The following PCDH11X variants were observed in gnomAD, a reference collection of about 807,000 sequenced individuals.
PCDH11X encodes protocadherin-11 X-linked.
PCDH11X carries 18 observed loss-of-function variants against 53.3 expected under a neutral mutation model. That is an observed-to-expected ratio of 0.34 (90% CI 0.23 to 0.50). The LOEUF is 0.50. Among genes scored for constraint, PCDH11X ranks in the 20% least tolerant of loss-of-function variants. The probability of loss-of-function intolerance (pLI) is 0.98; values close to 1 mark genes in which losing one functional copy is unlikely to be tolerated. For missense variants in PCDH11X, 570 were observed against 1,032.4 expected (o/e 0.55, Z 6.14); for synonymous variants, 279 against 393.3 (o/e 0.71, Z 3.44).
At chrX:92,580,133 G>T (rs1299613460) in intron 10 of PCDH11X, among the ~76,000 whole-genome samples, 13 of 102,000 alleles carry the variant, frequency 1.3e-4, no homozygotes, top group African/African-American at 5.0e-4. Flanking sequence ...CTTTGTCCCA[G>T]AGGGGCACTG....
chrX:91,833,272 C>A (rs1457003346), intron 4 of PCDH11X, among the ~76,000 whole-genome samples: 1 of 111,287 alleles, frequency 9.0e-6, no homozygotes, highest in Non-Finnish European at 1.9e-5. Context: ...TCCAAAACTT[C>A]TTAGATATGC....
intron 10 of PCDH11X, chrX:92,515,269 A>C (rs1339654346): frequency 9.9e-6 from 1 of 101,317 alleles, no homozygotes; most frequent in African/African-American, 3.4e-5. Flanking sequence ...AAATACCCTA[A>C]GTTAATAAGT....
At chrX:92,305,635 G>GA (rs958088852) in intron 8 of PCDH11X, among the ~76,000 whole-genome samples, 2 of 108,122 alleles carry the variant, frequency 1.8e-5, no homozygotes, top group African/African-American at 3.4e-5. Context: ...GGGTTGGGGG[G>GA]ATCTATTCAG....
intron 10 of PCDH11X, chrX:92,515,394 C>T (rs376897017): frequency 2.9e-5 from 7 of 238,982 alleles, no homozygotes; most frequent in Non-Finnish European, 4.9e-5. Context: ...ACAGTCTGCC[C>T]GTTGCTCATA....
chrX:91,980,861 TTTAG>T (rs1387641282), intron 6 of PCDH11X, among the ~76,000 whole-genome samples: 2 of 106,997 alleles, frequency 1.9e-5, no homozygotes, highest in African/African-American at 3.4e-5. Context: ...AGCAGTTGAA[TTTAG>T]TTAATTTGTC....
rs113911194 is a variant in PCDH11X, at chrX:91,827,274, T to G, written c.-44-8187T>G. Among the ~76,000 whole-genome samples, 444 of 111,692 alleles carry G rather than the reference T, an allele frequency of 4.0e-3. 4 individuals carry two copies. The highest frequency in any genetic ancestry group is 0.014 in the African/African-American group (418 of 30,722). ...CATGTAAGTCTTCTTTTGAAAAGTGTCTCCTCATGTCCTTTGCCTACTTGT... is the reference window on the plus strand; with the variant it reads ...CATGTAAGTCTTCTTTTGAAAAGTGGCTCCTCATGTCCTTTGCCTACTTGT... On this transcript the variant is annotated intron_variant, in intron 4 of 10. Coordinates refer to ENST00000682573, the MANE Select transcript of PCDH11X (RefSeq NM_032968.5).
intron 6 of PCDH11X, among the ~76,000 whole-genome samples, chrX:92,183,855 T>C (rs6618899): frequency 9.0e-6 from 1 of 111,630 alleles, no homozygotes; most frequent in Admixed American, 9.5e-5. Flanking sequence ...CTGTTAAATG[T>C]CAGCTCCTCG....
chrX:91,825,277 G>C (rs1466108826), intron 4 of PCDH11X, among the ~76,000 whole-genome samples: 3 of 110,385 alleles, frequency 2.7e-5, no homozygotes. Context: ...CCCCAGCCTC[G>C]CTGCCACCTT....
intron 6 of PCDH11X, among the ~76,000 whole-genome samples, chrX:92,051,871 CTT>C (rs2063372183): frequency 9.1e-6 from 1 of 109,488 alleles, no homozygotes; most frequent in African/African-American, 3.3e-5. Context: ...CAGTATGACA[CTT>C]AAATTATATT....
intron 9 of PCDH11X, among the ~76,000 whole-genome samples, chrX:92,446,187 C>A (rs1314250310): frequency 9.2e-6 from 1 of 108,840 alleles, no homozygotes; most frequent in Non-Finnish European, 1.9e-5. Context: ...TTCTGAGTAT[C>A]AACCAATATT....
intron 7 of PCDH11X, among the ~76,000 whole-genome samples, chrX:92,201,666 G>C (rs1274053064): frequency 8.9e-6 from 1 of 111,788 alleles, no homozygotes; most frequent in Non-Finnish European, 1.9e-5. Flanking sequence ...AAATTAACTT[G>C]TTGGATCAAG....
chrX:92,170,002 C>T (rs913559723), intron 6 of PCDH11X, among the ~76,000 whole-genome samples: 1 of 111,168 alleles, frequency 9.0e-6, no homozygotes, highest in Admixed American at 9.7e-5. Flanking sequence ...TGGAAAAATG[C>T]ATACAAAGTA....
chrX:92,312,661 T>G (rs1035220662), intron 8 of PCDH11X, among the ~76,000 whole-genome samples: 8 of 111,600 alleles, frequency 7.2e-5, no homozygotes, highest in African/African-American at 2.6e-4. Flanking sequence ...TACTAAAACC[T>G]TAGAAATTTG....
rs1344649246 is a variant in PCDH11X at position 92,326,898 on chromosome X, A to C, written c.3145-60837A>C. On this transcript the variant is annotated intron_variant, in intron 8 of 10. Coordinates refer to ENST00000682573, the MANE Select transcript of PCDH11X (RefSeq NM_032968.5). ...ATTAGAAATGCCAAAACTTCATCTC[A>C]TAATTTGCAGATGTAATACAATAAA... 2.8e-5 allele frequency among the ~76,000 whole-genome samples: 3 copies of C among 108,233 alleles called. No homozygotes were observed. The East Asian group carries it at 8.8e-4, about 32-fold the overall frequency. The allele number at this position is 108,233 out of a possible 115,157, so 94.0% of individuals were successfully genotyped here.
intron 6 of PCDH11X, among the ~76,000 whole-genome samples, chrX:92,129,740 C>G (rs982863876): frequency 3.6e-5 from 4 of 111,318 alleles, no homozygotes; most frequent in African/African-American, 1.3e-4. Context: ...GAGGATACTT[C>G]TTTCCTTCAG....
chrX:92,464,219 C>T (rs1226584342), intron 9 of PCDH11X, among the ~76,000 whole-genome samples: 2 of 110,793 alleles, frequency 1.8e-5, no homozygotes, highest in African/African-American at 6.6e-5. Context: ...ATGTTAATCA[C>T]ATTGCAGCTT....
chrX:92,156,747 C>A (rs781301330), intron 6 of PCDH11X, among the ~76,000 whole-genome samples: 3 of 111,550 alleles, frequency 2.7e-5, no homozygotes, highest in Admixed American at 9.5e-5. Context: ...CCATTCCTTG[C>A]ATAGTTTAAT....
intron 7 of PCDH11X, among the ~76,000 whole-genome samples, chrX:92,203,646 G>T (rs906003871): frequency 8.9e-6 from 1 of 112,259 alleles, no homozygotes; most frequent in African/African-American, 3.2e-5. Flanking sequence ...CTGTACAGGA[G>T]ACTAGTTTTG....
intron 6 of PCDH11X, among the ~76,000 whole-genome samples, chrX:91,991,724 T>C (rs2062328971): frequency 9.1e-6 from 1 of 110,143 alleles, no homozygotes; most frequent in East Asian, 2.8e-4. Context: ...TATTGATTTC[T>C]TCCTCAGTGA....
Sources: gnomAD v4.1 joint callset for allele counts (sites outside exome capture counted in the v4.1 genomes callset) on GRCh38, gnomAD v4.1.1 for gene constraint, MANE v1.5 for transcripts, NCBI Gene and HGNC (gene_info 2026-07-23, HGNC 2026-07-21) for gene names.